The following TENM2 variants were observed in gnomAD, a reference collection of about 807,000 sequenced individuals.
TENM2 encodes the protein teneurin transmembrane protein 2, also known as teneurin-2.
In TENM2, 52 loss-of-function variants were observed where a neutral mutation model predicts 245.2. That is an observed-to-expected ratio of 0.21 (90% CI 0.17 to 0.27). TENM2 has a LOEUF of 0.27. Among genes scored for constraint, TENM2 ranks in the 10% least tolerant of loss-of-function variants. TENM2 has a pLI of 1.00. For missense variants in TENM2, 3,046 were observed against 3,666.8 expected, an observed-to-expected ratio of 0.83 and a Z score of 4.37; for synonymous variants, 1,363 against 1,438.9, an observed-to-expected ratio of 0.95 and a Z score of 1.19.
At chr5:167,148,705 G>T in the TENM2 span, among the ~76,000 whole-genome samples, 2 of 152,030 alleles carry the variant, frequency 1.3e-5, no homozygotes, top group Admixed American at 6.6e-5. Flanking sequence ...TTCCAATATT[G>T]GTTTCCTCCT....
chr5:167,192,079 C>T, the TENM2 span, among the ~76,000 whole-genome samples: 1 of 152,010 alleles, frequency 6.6e-6, no homozygotes, highest in Admixed American at 6.6e-5. Flanking sequence ...GTATAAATAT[C>T]ATTTGAAGCT....
At chr5:167,358,239 A>G (rs892271463) in intron 1 of TENM2, among the ~76,000 whole-genome samples, 5 of 152,090 alleles carry the variant, frequency 3.3e-5, no homozygotes, top group African/African-American at 4.8e-5. Context: ...CATAAACACA[A>G]TCCAATCAGA....
At position 167,449,177 on chromosome 5, in the gene TENM2, T is replaced by C. The variant is rs976092015; in HGVS notation, c.502+73704T>C. On this transcript the variant is annotated intron_variant, in intron 2 of 28. Coordinates refer to ENST00000518659, the Ensembl canonical transcript of TENM2. ...CAAGTGTGATATTTCCTTGCTGCTT[T>C]TCCTGCGGTACTTAGCACTAGTCCT... Among the ~76,000 whole-genome samples the C allele has an allele frequency of 3.4e-4, 51 of 152,234 alleles. 1 individual carries two copies.
At chr5:167,244,785 GA>G in the TENM2 span, among the ~76,000 whole-genome samples, 1 of 152,130 alleles carries the variant, frequency 6.6e-6, no homozygotes, top group Admixed American at 6.6e-5. Flanking sequence ...TTTCTAGGGG[GA>G]GTGTGGCACC....
At chr5:167,178,085 A>G in the TENM2 span, among the ~76,000 whole-genome samples, 1 of 152,206 alleles carries the variant, frequency 6.6e-6, no homozygotes, top group East Asian at 1.9e-4. Context: ...TTTGGAGGGA[A>G]ATTTAACATA....
intron 2 of TENM2, among the ~76,000 whole-genome samples, chr5:167,452,479 T>G (rs1765644177): frequency 6.6e-6 from 1 of 152,204 alleles, no homozygotes; most frequent in South Asian, 2.1e-4. Context: ...AGTTTGTGGC[T>G]AAGAGAAGCC....
chr5:168,128,915 A>G (rs1796040977), intron 12 of TENM2: 1 of 152,106 alleles, frequency 6.6e-6, no homozygotes, highest in Non-Finnish European at 1.5e-5. Flanking sequence ...GCACTGAGTA[A>G]TTAGGAGACC....
chr5:167,610,218 CTTT>C lies in TENM2; in HGVS notation c.502+234746_502+234748del, dbSNP rs1457705441. Among the ~76,000 whole-genome samples the C allele has an allele frequency of 3.9e-5, 6 of 152,198 alleles. No homozygotes were observed. The East Asian group carries it at 1.2e-3, about 29-fold the overall frequency. ...GGTATAGGAGGAAAGGGGTGTGGAGCTTTCATGCCTTCCCCAGAAGCACCACCC... is the reference window on the plus strand; with the variant it reads ...GGTATAGGAGGAAAGGGGTGTGGAGCCATGCCTTCCCCAGAAGCACCACCC... On this transcript the variant is annotated intron_variant, in intron 2 of 28. Coordinates refer to ENST00000518659, the Ensembl canonical transcript of TENM2.
chr5:167,846,672 A>G (rs996131088), intron 2 of TENM2, among the ~76,000 whole-genome samples: 6 of 152,214 alleles, frequency 3.9e-5, no homozygotes, highest in African/African-American at 1.4e-4. Flanking sequence ...TTGATTTACA[A>G]ATTAATACCC....
Position 167,521,372 on chromosome 5 carries a change from A to T in TENM2, c.502+145899A>T, listed in dbSNP as rs1007385986. On this transcript the variant is annotated intron_variant, in intron 2 of 28. Coordinates refer to ENST00000518659, the Ensembl canonical transcript of TENM2. ...GCATACCAGCAGAGAAAGATATAAA[A>T]TGAGATTCAAATTTTGAATTAGGGC... Among the ~76,000 whole-genome samples the T allele has an allele frequency of 3.3e-4, 50 of 152,296 alleles. 1 individual carries two copies. Among genetic ancestry groups the T allele is most frequent in the African/African-American group, 1.2e-3 (50 of 41,582 alleles).
chr5:167,409,597 G>T lies in TENM2; in HGVS notation c.502+34124G>T, dbSNP rs868591108. On this transcript the variant is annotated intron_variant, in intron 2 of 28. Coordinates refer to ENST00000518659, the Ensembl canonical transcript of TENM2. ...GCATGTGCTCAAAAATATTAACAGC[G>T]GCATGCATACATAATAGGATTATAG... is the stretch of plus-strand genomic sequence containing the variant. Among the ~76,000 whole-genome samples, 3 of 151,712 alleles carry T rather than the reference G, an allele frequency of 2.0e-5. No homozygotes were observed. The South Asian group carries it at 6.2e-4, about 31-fold the overall frequency.
intron 2 of TENM2, among the ~76,000 whole-genome samples, chr5:167,775,184 T>A (rs1416888019): frequency 1.3e-5 from 2 of 152,124 alleles, no homozygotes; most frequent in Non-Finnish European, 2.9e-5. Context: ...GCCAGGCTGG[T>A]CTGGAACTCC....
rs538894252 is a variant in TENM2, at chr5:167,422,069, C to T, written c.502+46596C>T. 1.8e-3 allele frequency among the ~76,000 whole-genome samples: 274 copies of T among 152,256 alleles called. 2 individuals carry two copies. The South Asian group carries it at 0.019, about 11-fold the overall frequency. ...CCTCTCAAAGTGCTGGGATTACAGG[C>T]GTGAGCCACCATTCCCGGCCGGTAG... On this transcript the variant is annotated intron_variant, in intron 2 of 28. Coordinates refer to ENST00000518659, the Ensembl canonical transcript of TENM2.
intron 5 of TENM2, among the ~76,000 whole-genome samples, chr5:168,020,279 C>T (rs1786025666): frequency 6.6e-6 from 1 of 152,198 alleles, no homozygotes; most frequent in Non-Finnish European, 1.5e-5. Context: ...TTCGCCCATT[C>T]TCCAGAGATA....
chr5:167,684,556 C>T (rs545217623), intron 2 of TENM2, among the ~76,000 whole-genome samples: 1 of 152,190 alleles, frequency 6.6e-6, no homozygotes, highest in East Asian at 1.9e-4. Context: ...AGTCTAAATC[C>T]CTTGTCTGTT....
intron 3 of TENM2, among the ~76,000 whole-genome samples, chr5:167,886,212 A>G (rs2151436134): frequency 6.6e-6 from 1 of 152,358 alleles, no homozygotes; most frequent in East Asian, 1.9e-4. Context: ...GCCATAGGAT[A>G]CATAGTTATT....
At chr5:167,922,900 C>T (rs1312702497) in intron 3 of TENM2, among the ~76,000 whole-genome samples, 1 of 152,194 alleles carries the variant, frequency 6.6e-6, no homozygotes, top group East Asian at 1.9e-4. Context: ...CATCATGTCC[C>T]TGGAACAAAG....
rs538390435 is a variant in TENM2 at position 168,126,549 on chromosome 5, G to T, written c.2210-205G>T. The stretch of plus-strand genomic sequence containing the variant: ...GGTGATACTGATGCTGTTGGTCCAG[G>T]GGCCACACTTTGAGAGTCACTTCTC... On this transcript the variant is annotated intron_variant, in intron 11 of 28. Coordinates refer to ENST00000518659, the Ensembl canonical transcript of TENM2. Among the ~76,000 whole-genome samples, 5 of 152,170 alleles carry T rather than the reference G, an allele frequency of 3.3e-5. No individual in the cohort carries two copies. In the South Asian group the frequency reaches 1.0e-3, roughly 32 times the overall value.
the TENM2 span, among the ~76,000 whole-genome samples, chr5:167,200,155 TTGTG>T: frequency 1.3e-5 from 2 of 150,428 alleles, no homozygotes; most frequent in Non-Finnish European, 3.0e-5. Context: ...CTATCCCCCT[TTGTG>T]TGTGTGTGTG....
Sources: allele counts gnomAD v4.1 joint callset (sites outside exome capture counted in the v4.1 genomes callset), GRCh38; gene constraint gnomAD v4.1.1; transcripts MANE v1.5; gene names NCBI Gene and HGNC (gene_info 2026-07-23, HGNC 2026-07-21).